Variants in EFR3B observed in about 807,000 individuals in gnomAD.
EFR3B encodes the protein EFR3 homolog B.
EFR3B carries 64 observed loss-of-function variants against 104.7 expected under a neutral mutation model. That is an observed-to-expected ratio of 0.61 (90% CI 0.50 to 0.75). EFR3B has a LOEUF of 0.75. Ranked by LOEUF, EFR3B falls within the 30% of genes least tolerant of loss-of-function variation. The pLI is 0.00. For synonymous variants in EFR3B, 385 were observed against 417.9 expected (o/e 0.92, Z 0.96); for missense variants, 750 against 1,078.5 (o/e 0.70, Z 4.27).
chr2:25,058,184 G>A (rs564585240), intron 1 of EFR3B: 1 of 152,302 alleles, frequency 6.6e-6, no homozygotes, highest in South Asian at 2.1e-4. Flanking sequence ...CAGAGAGCAG[G>A]GGACCACCAG....
intron 4 of EFR3B, 75 bp downstream of exon 4, chr2:25,103,862 G>A (rs963671735): frequency 1.3e-6 from 2 of 1,522,786 alleles, no homozygotes; most frequent in Non-Finnish European, 1.8e-6. Context: ...GAGACCTCGG[G>A]GTCGGCACTG....
chr2:25,056,936 T>C (rs1321595612), intron 1 of EFR3B, among the ~76,000 whole-genome samples: 1 of 152,116 alleles, frequency 6.6e-6, no homozygotes, highest in Non-Finnish European at 1.5e-5. Flanking sequence ...TTGGGCAAGA[T>C]TCTTAACCTC....
At position 25,130,438 on chromosome 2, in the gene EFR3B, C is replaced by A; in HGVS notation, c.771-114C>A. The A allele has an allele frequency of 1.0e-6, 1 of 991,716 alleles. No individual in the cohort carries two copies. Among genetic ancestry groups the A allele is most frequent in the Non-Finnish European group, 1.6e-6 (1 of 639,682 alleles). 61.4% of individuals were successfully genotyped at this position (991,716 alleles called of 1,614,324 possible). A position where few individuals can be genotyped will look rare whatever the true frequency, so the allele number is the denominator to read the frequency against. ...GGCCCTTCAGGCTTCACTTCCTCAC[C>A]CGGGAACTGTGCGAGGGGCTCTGAG... is the stretch of plus-strand genomic sequence containing the variant. On this transcript the variant is annotated intron_variant, in intron 7 of 22. Transcript: ENST00000403714. This position sits in a 1 kb window ranked among gnomAD's most constrained non-coding sequence, Gnocchi z 4.6.
chr2:25,067,675 G>GC (rs1245675617), intron 1 of EFR3B, among the ~76,000 whole-genome samples: 1 of 152,012 alleles, frequency 6.6e-6, no homozygotes, highest in African/African-American at 2.4e-5. Context: ...CTCGTGATCT[G>GC]CCTGGCCACA....
chr2:25,141,287 G>A (rs1174693901), intron 16 of EFR3B, 79 bp from the exon 17 acceptor site: 19 of 1,461,650 alleles, frequency 1.3e-5, no homozygotes, highest in Non-Finnish European at 1.7e-5. Flanking sequence ...CACCGAGCCG[G>A]GCATGGGAGC....
intron 1 of EFR3B, among the ~76,000 whole-genome samples, chr2:25,065,346 ATTTTTT>A (rs749717958): frequency 8.6e-5 from 8 of 93,356 alleles, no homozygotes; most frequent in Non-Finnish European, 1.2e-4. Flanking sequence ...ACACCCAGCT[ATTTTTT>A]TTTTTTTTTT....
intron 1 of EFR3B, among the ~76,000 whole-genome samples, chr2:25,062,595 C>T (rs1254614768): frequency 2.0e-5 from 3 of 152,190 alleles, no homozygotes; most frequent in African/African-American, 7.2e-5. Flanking sequence ...CAGCCTAGCA[C>T]CAGTGAAAGG....
intron 1 of EFR3B, among the ~76,000 whole-genome samples, chr2:25,060,299 C>G (rs1020153949): frequency 3.3e-5 from 5 of 152,208 alleles, no homozygotes; most frequent in African/African-American, 1.2e-4. Context: ...TGATCATACC[C>G]TCTGCCAATA....
rs1440717645 is a variant in EFR3B, at chr2:25,136,522, G to T, written c.1485-1G>T. 6.4e-7 allele frequency: 1 copy of T among 1,551,418 alleles called. No homozygotes were observed. The highest frequency in any genetic ancestry group is 1.2e-5 in the South Asian group (1 of 84,058). Reference sequence around the variant, plus strand: ...AGGAGGCCCTTTGCATCCCTTCCCAGTACCCTCAGTGACATCTCTGTCCTG... The same window carrying T: ...AGGAGGCCCTTTGCATCCCTTCCCATTACCCTCAGTGACATCTCTGTCCTG... On this transcript the variant is annotated splice_acceptor_variant, in intron 13 of 22. Transcript: ENST00000403714. LOFTEE classifies it high-confidence loss of function. The surrounding 1 kb of genome is among the most constrained non-coding windows in gnomAD (Gnocchi z 4.0).
In EFR3B at chr2:25,154,523, C is replaced by T. The variant is rs989673279; in HGVS notation, c.*183C>T. 3.6e-5 allele frequency: 21 copies of T among 582,094 alleles called. 1 individual carries two copies. Among genetic ancestry groups the T allele is most frequent in the African/African-American group, 2.5e-4 (13 of 52,940 alleles). The allele number at this position is 582,094 out of a possible 1,614,324, so 36.1% of individuals were successfully genotyped here. On this transcript the variant is annotated 3_prime_UTR_variant, in exon 23 of 23. Transcript: ENST00000403714. This position sits in a 1 kb window ranked among gnomAD's most constrained non-coding sequence, Gnocchi z 4.1. ...CTTCTTGGCCCTCCTACCTCCTCCT[C>T]GTCTTCCCTGAGGGAGGTCTCACCA...
chr2:25,131,671 C>T lies in EFR3B; in HGVS notation c.986-79C>T, dbSNP rs1265847802. ...AGCCCAGGCTGGAAGGGGGCGTGAC[C>T]CTGCCCTGCCTGCGCGCGGTGCACA... On this transcript the variant is annotated intron_variant, in intron 9 of 22. Transcript: ENST00000403714. The surrounding 1 kb of genome is among the most constrained non-coding windows in gnomAD (Gnocchi z 7.6). 6.8e-7 allele frequency: 1 copy of T among 1,480,050 alleles called. No individual in the cohort carries two copies. The highest frequency in any genetic ancestry group is 1.4e-5 in the African/African-American group (1 of 71,264). 91.7% of individuals were successfully genotyped at this position (1,480,050 alleles called of 1,614,324 possible).
At position 25,042,244 on chromosome 2, in the gene EFR3B, G is replaced by C. The variant is rs1348171982; in HGVS notation, c.-69G>C. Reference sequence around the variant, plus strand: ...CGCCCCGACTGTGAATGAAAGGCGGGCGCCGCCGAGGGCTGGCTGGGAACG... The same window carrying C: ...CGCCCCGACTGTGAATGAAAGGCGGCCGCCGCCGAGGGCTGGCTGGGAACG... On this transcript the variant is annotated 5_prime_UTR_variant, in exon 1 of 23. Transcript: ENST00000403714. This position sits in a 1 kb window ranked among gnomAD's most constrained non-coding sequence, Gnocchi z 5.4. 1 of 1,296,564 alleles carries C rather than the reference G, an allele frequency of 7.7e-7. No individual in the cohort carries two copies. Among genetic ancestry groups the C allele is most frequent in the Non-Finnish European group, 9.8e-7 (1 of 1,022,468 alleles). 80.3% of individuals were successfully genotyped at this position (1,296,564 alleles called of 1,614,324 possible). A position where few individuals can be genotyped will look rare whatever the true frequency, so the allele number is the denominator to read the frequency against.
At chr2:25,098,515 C>A (rs1329937728) in intron 3 of EFR3B, among the ~76,000 whole-genome samples, 2 of 152,190 alleles carry the variant, frequency 1.3e-5, no homozygotes, top group Non-Finnish European at 2.9e-5. Flanking sequence ...GGATCCCAGG[C>A]TCTATTCCTT....
At position 25,153,700 on chromosome 2, in the gene EFR3B, G is replaced by A. The variant is rs1671078467; in HGVS notation, c.2299-12G>A. Reference sequence around the variant, plus strand: ...CACCCCTGCCAGCTCACTTCCGTGTGTTTGTGTCTAGGCATCGCTGCTCCA... The same window carrying A: ...CACCCCTGCCAGCTCACTTCCGTGTATTTGTGTCTAGGCATCGCTGCTCCA... On this transcript the variant is annotated splice_polypyrimidine_tract_variant and intron_variant, in intron 21 of 22. Coordinates refer to ENST00000403714, the MANE Select transcript of EFR3B (RefSeq NM_014971.2). 1.3e-6 allele frequency: 2 copies of A among 1,551,172 alleles called. No individual in the cohort carries two copies. The highest frequency in any genetic ancestry group is 2.0e-5 in the Admixed American group (1 of 50,910).
Position 25,067,933 on chromosome 2 carries a change from G to C in EFR3B, c.8-23392G>C, listed in dbSNP as rs139511584. Among the ~76,000 whole-genome samples, 508 of 152,082 alleles carry C rather than the reference G, an allele frequency of 3.3e-3. 5 individuals carry two copies. Among genetic ancestry groups the C allele is most frequent in the African/African-American group, 0.012 (496 of 41,470 alleles). On this transcript the variant is annotated intron_variant, in intron 1 of 22. Coordinates refer to ENST00000403714, the MANE Select transcript of EFR3B (RefSeq NM_014971.2). ...TGGGCTTAAGTGATCCACCCACCTT[G>C]GCCCCCAAAGTGCTGGGATTACAGG... is the stretch of plus-strand genomic sequence containing the variant.
chr2:25,074,121 C>T (rs1242810841), intron 1 of EFR3B, among the ~76,000 whole-genome samples: 11 of 152,154 alleles, frequency 7.2e-5, no homozygotes, highest in Non-Finnish European at 1.3e-4. Flanking sequence ...CTTATTCTCC[C>T]TCCATTTGTG....
intron 1 of EFR3B, among the ~76,000 whole-genome samples, chr2:25,058,893 T>C (rs918891755): frequency 3.3e-5 from 5 of 151,680 alleles, no homozygotes; most frequent in Non-Finnish European, 4.4e-5. Flanking sequence ...TGGTGACTCC[T>C]CAGAGAGGGA....
At chr2:25,050,971 A>G (rs1350516831) in intron 1 of EFR3B, among the ~76,000 whole-genome samples, 1 of 152,120 alleles carries the variant, frequency 6.6e-6, no homozygotes, top group Admixed American at 6.5e-5. Context: ...TGGTATTAAG[A>G]TTGGTCCAAA....
chr2:25,080,122 C>A (rs186364493), intron 1 of EFR3B: 3 of 1,054,186 alleles, frequency 2.8e-6, no homozygotes, highest in Admixed American at 3.4e-5. Flanking sequence ...CGTGACTATA[C>A]CCTGTGCAAT....
Sources: allele counts gnomAD v4.1 joint callset (sites outside exome capture counted in the v4.1 genomes callset), GRCh38; gene constraint gnomAD v4.1.1; non-coding constraint Gnocchi (gnomAD v3.1); transcripts MANE v1.5; gene names NCBI Gene and HGNC (gene_info 2026-07-23, HGNC 2026-07-21).